STX8: variants seen among roughly 807,000 people sequenced by gnomAD.
The protein encoded by STX8 is syntaxin 8, also known as syntaxin-8.
Under a neutral mutation model 37.5 loss-of-function variants are expected in STX8, and 23 were observed. The observed-to-expected ratio is 0.61, with a 90% CI of 0.44 to 0.87. STX8 has a LOEUF of 0.87. STX8 is among the 40% of genes least tolerant of loss of function. The pLI, the probability that STX8 is intolerant of heterozygous loss-of-function variation, is 0.00. For synonymous variants in STX8, 115 were observed against 99.1 expected (o/e 1.16, Z -0.95); for missense variants, 313 against 284.7 (o/e 1.10, Z -0.71).
intron 7 of STX8, among the ~76,000 whole-genome samples, chr17:9,336,431 C>G (rs904996914): frequency 1.3e-5 from 2 of 151,292 alleles, no homozygotes; most frequent in African/African-American, 4.9e-5. Flanking sequence ...CCTTCCTTCC[C>G]CTTCCTTCCT....
intron 6 of STX8, among the ~76,000 whole-genome samples, chr17:9,420,244 G>A (rs1913374134): frequency 6.6e-6 from 1 of 152,226 alleles, no homozygotes; most frequent in Admixed American, 6.5e-5. Context: ...GGCCGCCAGG[G>A]ACTCAGAAAT....
intron 7 of STX8, among the ~76,000 whole-genome samples, chr17:9,360,720 G>A (rs1163058905): frequency 5.3e-5 from 8 of 150,480 alleles, no homozygotes; most frequent in Non-Finnish European, 8.9e-5. Context: ...AGCAACGACC[G>A]TTTTAAGGGC....
chr17:9,252,808 C>T (rs1424654299), intron 7 of STX8, among the ~76,000 whole-genome samples: 1 of 152,160 alleles, frequency 6.6e-6, no homozygotes, highest in Non-Finnish European at 1.5e-5. Flanking sequence ...TAGTCTACCT[C>T]AAGGCTCTGC....
chr17:9,362,801 C>G (rs979308471), intron 7 of STX8, among the ~76,000 whole-genome samples: 3 of 147,674 alleles, frequency 2.0e-5, no homozygotes, highest in Admixed American at 6.9e-5. Flanking sequence ...CAGCCTGGAG[C>G]CTGGGCGACA....
chr17:9,441,426 G>A (rs1904646740), intron 6 of STX8, among the ~76,000 whole-genome samples: 1 of 149,992 alleles, frequency 6.7e-6, no homozygotes, highest in Admixed American at 6.7e-5. Flanking sequence ...GGAGGCAGAG[G>A]TGGCAGTGAG....
chr17:9,449,874 C>T (rs1188069255), intron 6 of STX8, among the ~76,000 whole-genome samples: 1 of 151,776 alleles, frequency 6.6e-6, no homozygotes, highest in Non-Finnish European at 1.5e-5. Flanking sequence ...GTCCCAGTAA[C>T]TTGGGAGGCT....
At chr17:9,483,620 G>A (rs1216489583) in intron 6 of STX8, among the ~76,000 whole-genome samples, 2 of 152,198 alleles carry the variant, frequency 1.3e-5, no homozygotes, top group Non-Finnish European at 2.9e-5. Context: ...TCACTGATGT[G>A]TATGTGAAAT....
At chr17:9,446,125 T>G (rs1904844574) in intron 6 of STX8, among the ~76,000 whole-genome samples, 1 of 152,168 alleles carries the variant, frequency 6.6e-6, no homozygotes, top group Non-Finnish European at 1.5e-5. Flanking sequence ...CGTGAGCCAC[T>G]GTGCGTGGCC....
chr17:9,421,313 A>G (rs1047454774), intron 6 of STX8, among the ~76,000 whole-genome samples: 10 of 140,964 alleles, frequency 7.1e-5, no homozygotes, highest in Non-Finnish European at 1.2e-4. Context: ...AATCGCTTGA[A>G]CCCGCGAGGC....
At chr17:9,543,666 C>T (rs1294579028) in intron 4 of STX8, among the ~76,000 whole-genome samples, 1 of 152,146 alleles carries the variant, frequency 6.6e-6, no homozygotes, top group African/African-American at 2.4e-5. Context: ...CCAACCTGGA[C>T]CACCACCTTC....
intron 7 of STX8, among the ~76,000 whole-genome samples, chr17:9,354,612 G>C (rs1910817862): frequency 6.6e-6 from 1 of 151,666 alleles, no homozygotes. Flanking sequence ...GAGCCACCGT[G>C]CCCGGCCCAT....
At chr17:9,535,765 G>C (rs1906023561) in intron 4 of STX8, among the ~76,000 whole-genome samples, 1 of 151,494 alleles carries the variant, frequency 6.6e-6, no homozygotes, top group Non-Finnish European at 1.5e-5. Context: ...CTCACCTAGA[G>C]ATATACTTTC....
rs1266075095 is a variant in STX8 at position 9,400,225 on chromosome 17, G to A, written c.542-21572C>T. 3.4e-5 allele frequency among the ~76,000 whole-genome samples: 5 copies of A among 146,110 alleles called. No individual in the cohort carries two copies. The East Asian group carries it at 1.0e-3, about 31-fold the overall frequency. The stretch of plus-strand genomic sequence containing the variant: ...TCATGCCATTCTCCTGCCTCAGCCT[G>A]CCGAGTAGCTGAGACTACAGGCGCC... On this transcript the variant is annotated intron_variant, in intron 6 of 7. Coordinates refer to ENST00000306357, the MANE Select transcript of STX8 (RefSeq NM_004853.3).
At chr17:9,321,844 A>T (rs115548513) in intron 7 of STX8, among the ~76,000 whole-genome samples, 110 of 152,308 alleles carry the variant, frequency 7.2e-4, no homozygotes, top group African/African-American at 2.5e-3. Flanking sequence ...TAATATGCAA[A>T]TAATCGCCAA....
intron 6 of STX8, chr17:9,469,036 G>C (rs1209058330): frequency 6.6e-6 from 1 of 152,192 alleles, no homozygotes; most frequent in Admixed American, 6.5e-5. Flanking sequence ...AAGGGAAGTG[G>C]TACAGGTTAA....
intron 7 of STX8, among the ~76,000 whole-genome samples, chr17:9,315,443 A>G (rs1023937841): frequency 6.6e-6 from 1 of 152,180 alleles, no homozygotes; most frequent in African/African-American, 2.4e-5. Flanking sequence ...TGAGTCTTCC[A>G]TCTCACCCTT....
chr17:9,337,925 A>C (rs1910190491), intron 7 of STX8, among the ~76,000 whole-genome samples: 1 of 152,074 alleles, frequency 6.6e-6, no homozygotes, highest in Admixed American at 6.6e-5. Flanking sequence ...GAAAGGGTGC[A>C]GTGTGGCCAA....
chr17:9,252,880 A>G (rs1906640874), intron 7 of STX8, among the ~76,000 whole-genome samples: 1 of 152,014 alleles, frequency 6.6e-6, no homozygotes, highest in Non-Finnish European at 1.5e-5. Flanking sequence ...ATGAGCTAAC[A>G]ATGGTTTTTA....
intron 3 of STX8, among the ~76,000 whole-genome samples, chr17:9,550,718 T>A (rs1567607173): frequency 6.6e-6 from 1 of 152,222 alleles, no homozygotes; most frequent in East Asian, 1.9e-4. Flanking sequence ...AATATGCAAC[T>A]GGATCCACAG....
Sources: gnomAD v4.1 joint callset for allele counts (sites outside exome capture counted in the v4.1 genomes callset) on GRCh38, gnomAD v4.1.1 for gene constraint, MANE v1.5 for transcripts, NCBI Gene and HGNC (gene_info 2026-07-23, HGNC 2026-07-21) for gene names.